The following AHI1 variants were observed in gnomAD, a reference collection of about 807,000 sequenced individuals.
AHI1 encodes the protein Abelson helper integration site 1.
AHI1 carries 123 observed loss-of-function variants against 149.3 expected under a neutral mutation model. That is an observed-to-expected ratio of 0.82 (90% CI 0.71 to 0.96). AHI1 has a LOEUF of 0.96. Among genes scored for constraint, AHI1 ranks in the 40% least tolerant of loss-of-function variants. The pLI, the probability that AHI1 is intolerant of heterozygous loss-of-function variation, is 0.00. For synonymous variants in AHI1, 475 were observed against 459.8 expected (o/e 1.03, Z -0.42); for missense variants, 1,439 against 1,422.7 (o/e 1.01, Z -0.18).
intron 5 of AHI1, among the ~76,000 whole-genome samples, chr6:135,478,571 A>G (rs1793093268): frequency 6.6e-6 from 1 of 152,224 alleles, no homozygotes; most frequent in South Asian, 2.1e-4. Context: ...ATAAAGAAAG[A>G]AATGACTTGA....
At position 135,428,751 on chromosome 6, in the gene AHI1, G is replaced by T; in HGVS notation, c.2501C>A (p.Ala834Glu). 1 of 1,600,948 alleles carries T rather than the reference G, an allele frequency of 6.2e-7. No homozygotes were observed. The highest frequency in any genetic ancestry group is 8.5e-7 in the Non-Finnish European group (1 of 1,172,872). Residue 834 changes from alanine (A) to glutamate (E), a missense_variant, in exon 19 of 29, where the codon GCA becomes GAA. By Grantham distance (107) the Ala-to-Glu change is moderately radical. Coordinates refer to ENST00000265602, the MANE Select transcript of AHI1 (RefSeq NM_001134831.2). ...ATTTGCTGCTCCTACAAACTTCCTTGCTACTAATCTACAAGCAAAAAAGAT... is the reference window on the plus strand; with the variant it reads ...ATTTGCTGCTCCTACAAACTTCCTTTCTACTAATCTACAAGCAAAAAAGAT... ...LRIMDLRILV[A>E]RKFVGAANYR...
At chr6:135,414,120 A>G (rs1006098167) in intron 20 of AHI1, among the ~76,000 whole-genome samples, 4 of 152,234 alleles carry the variant, frequency 2.6e-5, no homozygotes, top group African/African-American at 9.6e-5. Flanking sequence ...ACTGGCATAA[A>G]GATAAATAAA....
In AHI1 at chr6:135,380,733, C is replaced by CA. The variant is rs1562623753; in HGVS notation, c.3109+14042_3109+14043insT. Among the ~76,000 whole-genome samples the CA allele has an allele frequency of 3.8e-5, 3 of 78,706 alleles. 1 individual carries two copies. The highest frequency in any genetic ancestry group is 2.7e-4 in the African/African-American group (3 of 10,930). 51.6% of individuals were successfully genotyped at this position (78,706 alleles called of 152,430 possible). A position where few individuals can be genotyped will look rare whatever the true frequency, so the allele number is the denominator to read the frequency against. ...TAAACATCTTTTTAAGTAAAATAAC[C>CA]CCCCCCCCCCCAAAAAAAAAGTACA... On this transcript the variant is annotated intron_variant, in intron 23 of 28. Transcript: ENST00000265602.
intron 24 of AHI1, among the ~76,000 whole-genome samples, chr6:135,327,784 A>T (rs1271168899): frequency 6.6e-6 from 1 of 152,152 alleles, no homozygotes; most frequent in Non-Finnish European, 1.5e-5. Context: ...GAGCTTCCAC[A>T]AAAACCTAAG....
chr6:135,380,144 A>G (rs529384131), intron 23 of AHI1, among the ~76,000 whole-genome samples: 4 of 149,180 alleles, frequency 2.7e-5, no homozygotes, highest in Non-Finnish European at 4.5e-5. Context: ...ACCCAACCCT[A>G]CTCCTCAGGT....
At chr6:135,486,255 T>C (rs928388615) in intron 5 of AHI1, among the ~76,000 whole-genome samples, 7 of 152,158 alleles carry the variant, frequency 4.6e-5, no homozygotes. Flanking sequence ...AAGGGACCCA[T>C]GGAAAACTAT....
intron 10 of AHI1, 95 bp from the exon 11 acceptor site, chr6:135,453,531 T>A: frequency 2.3e-6 from 2 of 860,772 alleles, no homozygotes; most frequent in Non-Finnish European, 3.6e-6. Context: ...GTATAGTGCT[T>A]AAAAACATTA....
chr6:135,299,050 G>A (rs554270184), intron 27 of AHI1, among the ~76,000 whole-genome samples: 35 of 152,018 alleles, frequency 2.3e-4, no homozygotes, highest in Non-Finnish European at 4.6e-4. Flanking sequence ...TTGAGTATAC[G>A]CTCCTTAGGG....
chr6:135,369,137 T>C (rs1479595894), intron 23 of AHI1, among the ~76,000 whole-genome samples: 3 of 152,224 alleles, frequency 2.0e-5, no homozygotes, highest in Non-Finnish European at 4.4e-5. Context: ...CTCGGCTCTC[T>C]AAATTTGTCT....
At chr6:135,413,547 G>A (rs973997201) in intron 20 of AHI1, among the ~76,000 whole-genome samples, 5 of 151,872 alleles carry the variant, frequency 3.3e-5, no homozygotes, top group Non-Finnish European at 7.4e-5. Flanking sequence ...GGCAAGTGAG[G>A]CACACAGGCA....
At chr6:135,293,452 C>T (rs1216702643) in intron 27 of AHI1, among the ~76,000 whole-genome samples, 1 of 145,518 alleles carries the variant, frequency 6.9e-6, no homozygotes, top group East Asian at 2.0e-4. Flanking sequence ...AAAAGGCGCC[C>T]AGATTGTGAA....
At position 135,433,237 on chromosome 6, in the gene AHI1, T is replaced by C. The variant is rs1255380501; in HGVS notation, c.2056A>G (p.Asn686Asp). ...AAAACTCTGAAAGTATTTGTATTGT[T>C]TATTTCATTTTTCCATATCCTGGAA... ...GTARIWKNEI[N>D]NTNTFRVLPH... The change falls in exon 16 of 29, where the codon AAC becomes GAC. Residue 686 changes from asparagine (N) to aspartate (D), a missense_variant. Physicochemically the swap from Asn to Asp is conservative, Grantham distance 23. Transcript: ENST00000265602. 1.2e-6 allele frequency: 2 copies of C among 1,605,432 alleles called. No individual in the cohort carries two copies. The highest frequency in any genetic ancestry group is 2.7e-5 in the African/African-American group (2 of 74,726).
At chr6:135,456,316 G>A (rs1318619776) in intron 9 of AHI1, among the ~76,000 whole-genome samples, 1 of 152,074 alleles carries the variant, frequency 6.6e-6, no homozygotes, top group African/African-American at 2.4e-5. Flanking sequence ...TGAGGCAGGT[G>A]GACTGCTTGA....
intron 24 of AHI1, among the ~76,000 whole-genome samples, chr6:135,331,616 G>C (rs1216109190): frequency 1.3e-5 from 2 of 152,200 alleles, no homozygotes; most frequent in Non-Finnish European, 2.9e-5. Context: ...CCAACCAGTA[G>C]AGTTCAGCAG....
chr6:135,317,055 T>C (rs1019988010), intron 26 of AHI1, among the ~76,000 whole-genome samples: 1 of 152,154 alleles, frequency 6.6e-6, no homozygotes, highest in African/African-American at 2.4e-5. Context: ...CAATCAATCA[T>C]AAAATCCTGT....
At chr6:135,441,695 A>G (rs1786327560) in intron 14 of AHI1, among the ~76,000 whole-genome samples, 1 of 152,236 alleles carries the variant, frequency 6.6e-6, no homozygotes, top group African/African-American at 2.4e-5. Flanking sequence ...GAAATAAATT[A>G]CTATTAATAA....
intron 15 of AHI1, among the ~76,000 whole-genome samples, chr6:135,435,771 C>T (rs1184058897): frequency 2.0e-5 from 3 of 152,078 alleles, no homozygotes; most frequent in South Asian, 2.1e-4. Context: ...AGGTCAATAG[C>T]AACAATTTAA....
chr6:135,342,577 G>A (rs1187434987), intron 24 of AHI1, among the ~76,000 whole-genome samples: 1 of 151,784 alleles, frequency 6.6e-6, no homozygotes, highest in Admixed American at 6.6e-5. Flanking sequence ...GGGAATGACA[G>A]GTTGGCTTAA....
chr6:135,389,281 C>T (rs1051009705), intron 23 of AHI1, among the ~76,000 whole-genome samples: 1 of 147,026 alleles, frequency 6.8e-6, no homozygotes, highest in Non-Finnish European at 1.5e-5. Context: ...ACTGCACCAG[C>T]CTGGGTGACA....
Sources: allele counts gnomAD v4.1 joint callset (sites outside exome capture counted in the v4.1 genomes callset), GRCh38; gene constraint gnomAD v4.1.1; transcripts MANE v1.5; gene names NCBI Gene and HGNC (gene_info 2026-07-23, HGNC 2026-07-21).